SEMA3E: variants seen among roughly 807,000 people sequenced by gnomAD.
SEMA3E encodes semaphorin-3E.
SEMA3E carries 49 observed loss-of-function variants against 93.6 expected under a neutral mutation model. That is an observed-to-expected ratio of 0.52 (90% CI 0.42 to 0.66). The LOEUF (loss-of-function observed/expected upper bound fraction) is 0.66, where lower values mean the gene tolerates loss of function less well. Among genes scored for constraint, SEMA3E ranks in the 30% least tolerant of loss-of-function variants. The probability of loss-of-function intolerance (pLI) is 0.00; values close to 1 mark genes in which losing one functional copy is unlikely to be tolerated. For synonymous variants in SEMA3E, 363 were observed against 330.7 expected, an observed-to-expected ratio of 1.10 and a Z score of -1.06; for missense variants, 906 against 964.8, an observed-to-expected ratio of 0.94 and a Z score of 0.81.
intron 4 of SEMA3E, among the ~76,000 whole-genome samples, chr7:83,450,119 AAGAC>A (rs1352475731): frequency 2.6e-5 from 4 of 152,228 alleles, no homozygotes; most frequent in African/African-American, 4.8e-5. Flanking sequence ...TCCTAAGAAA[AAGAC>A]AGACAATGCT....
At chr7:83,620,472 A>G (rs1439027718) in intron 1 of SEMA3E, among the ~76,000 whole-genome samples, 1 of 152,118 alleles carries the variant, frequency 6.6e-6, no homozygotes, top group Non-Finnish European at 1.5e-5. Flanking sequence ...ATTGAAAAGG[A>G]GGGAATCTTT....
In SEMA3E at chr7:83,372,024, T is replaced by A. The variant is rs577186727; in HGVS notation, c.1876-3986A>T. On this transcript the variant is annotated intron_variant, in intron 16 of 16. Transcript: ENST00000643230. Reference sequence around the variant, plus strand: ...TATAAGTTTTTAAAGGGCAAAGACCTATTTCTTTATTCTTCTGAATTATCC... The same window carrying A: ...TATAAGTTTTTAAAGGGCAAAGACCAATTTCTTTATTCTTCTGAATTATCC... 4.7e-5 allele frequency: 17 copies of A among 365,446 alleles called. No individual in the cohort carries two copies. In the South Asian group the frequency reaches 2.5e-3, roughly 55 times the overall value. 22.6% of individuals were successfully genotyped at this position (365,446 alleles called of 1,614,324 possible).
chr7:83,411,230 T>C (rs1437285888), intron 5 of SEMA3E, among the ~76,000 whole-genome samples: 3 of 152,102 alleles, frequency 2.0e-5, no homozygotes, highest in Admixed American at 6.6e-5. Flanking sequence ...GACAATTCTC[T>C]GCACAAGAGA....
intron 4 of SEMA3E, among the ~76,000 whole-genome samples, chr7:83,426,121 T>C (rs1435580749): frequency 6.6e-6 from 1 of 152,132 alleles, no homozygotes; most frequent in African/African-American, 2.4e-5. Context: ...ACACTGCCAG[T>C]GGGAATTTGT....
At chr7:83,471,728 GTGAA>G (rs1226903120) in intron 2 of SEMA3E, among the ~76,000 whole-genome samples, 1 of 152,072 alleles carries the variant, frequency 6.6e-6, no homozygotes, top group African/African-American at 2.4e-5. Context: ...TCTATTATTA[GTGAA>G]TGAAGTATAC....
intron 1 of SEMA3E, among the ~76,000 whole-genome samples, chr7:83,608,699 T>C (rs906526486): frequency 6.6e-6 from 1 of 152,140 alleles, no homozygotes; most frequent in Non-Finnish European, 1.5e-5. Flanking sequence ...TAAATATTCA[T>C]GGATTGTCTT....
chr7:83,414,824 C>T (rs997656219), intron 5 of SEMA3E, among the ~76,000 whole-genome samples: 1 of 151,876 alleles, frequency 6.6e-6, no homozygotes, highest in Non-Finnish European at 1.5e-5. Context: ...TCTTATCATA[C>T]CTTAGGCATT....
intron 1 of SEMA3E, among the ~76,000 whole-genome samples, chr7:83,519,109 T>A (rs1790992938): frequency 6.6e-6 from 1 of 152,044 alleles, no homozygotes; most frequent in African/African-American, 2.4e-5. Flanking sequence ...CTCCTAAAGC[T>A]ATCCCTCCCC....
In SEMA3E at chr7:83,367,801, C is replaced by T. The variant is rs1396228758; in HGVS notation, c.2113G>A (p.Gly705Arg). The change falls in exon 17 of 17, where the codon GGA becomes AGA. Residue 705 changes from glycine to arginine, a missense_variant. Coordinates refer to ENST00000643230, the MANE Select transcript of SEMA3E (RefSeq NM_012431.3). ...AATTCCTTGTACCATGGTTTTGCTC[C>T]CTGCGAGATGCTACTCTGAGCAGGA... ...PCPAQSSISQGAKPWYKEFLQ... is the reference protein window; with the variant it reads ...PCPAQSSISQRAKPWYKEFLQ... The T allele has an allele frequency of 6.2e-7, 1 of 1,614,080 alleles. No homozygotes were observed. Among genetic ancestry groups the T allele is most frequent in the South Asian group, 1.1e-5 (1 of 91,084 alleles).
At chr7:83,384,323 T>C (rs1584207086) in intron 16 of SEMA3E, among the ~76,000 whole-genome samples, 1 of 152,182 alleles carries the variant, frequency 6.6e-6, no homozygotes, top group East Asian at 1.9e-4. Context: ...AGGTGAAGCC[T>C]TCCATTGATT....
intron 1 of SEMA3E, among the ~76,000 whole-genome samples, chr7:83,632,322 C>G (rs1793802952): frequency 6.6e-6 from 1 of 152,082 alleles, no homozygotes; most frequent in African/African-American, 2.4e-5. Flanking sequence ...GAATATTCAC[C>G]TATGACAAAA....
chr7:83,577,079 T>C (rs1344094555), intron 1 of SEMA3E, among the ~76,000 whole-genome samples: 1 of 152,228 alleles, frequency 6.6e-6, no homozygotes, highest in Admixed American at 6.5e-5. Flanking sequence ...CACTTATATA[T>C]ATTGTCCACC....
At chr7:83,459,907 C>A (rs938404115) in intron 4 of SEMA3E, among the ~76,000 whole-genome samples, 1 of 152,158 alleles carries the variant, frequency 6.6e-6, no homozygotes, top group Non-Finnish European at 1.5e-5. Flanking sequence ...CCCTACTGAG[C>A]ACCTTGCGAC....
At chr7:83,379,191 G>T (rs538941878) in intron 16 of SEMA3E, among the ~76,000 whole-genome samples, 1 of 151,652 alleles carries the variant, frequency 6.6e-6, no homozygotes, top group African/African-American at 2.4e-5. Context: ...AAGCTAAACA[G>T]TGAGTACAAT....
At chr7:83,532,162 C>A (rs1791316954) in intron 1 of SEMA3E, among the ~76,000 whole-genome samples, 1 of 152,118 alleles carries the variant, frequency 6.6e-6, no homozygotes, top group Non-Finnish European at 1.5e-5. Flanking sequence ...TTCTTCATTT[C>A]AACACCTCTT....
chr7:83,435,550 C>T (rs1584247362), intron 4 of SEMA3E, among the ~76,000 whole-genome samples: 1 of 152,156 alleles, frequency 6.6e-6, no homozygotes. Context: ...GAGACGAGAT[C>T]ATGCCACTGC....
At chr7:83,466,695 GT>G in intron 3 of SEMA3E, 94 bp from the exon 4 acceptor site, 1 of 1,479,362 alleles carries the variant, frequency 6.8e-7, no homozygotes. Context: ...GAAAGCTCAT[GT>G]TTTACCGTAA....
intron 2 of SEMA3E, among the ~76,000 whole-genome samples, chr7:83,485,796 C>T (rs1790238519): frequency 6.6e-6 from 1 of 151,900 alleles, no homozygotes; most frequent in Admixed American, 6.6e-5. Flanking sequence ...AGGTAGCTGC[C>T]CCTGCAATGG....
intron 16 of SEMA3E, among the ~76,000 whole-genome samples, chr7:83,378,248 A>G (rs1453959207): frequency 6.6e-6 from 1 of 151,898 alleles, no homozygotes; most frequent in Non-Finnish European, 1.5e-5. Flanking sequence ...TAAATGAATC[A>G]TTTTATTTTC....
Sources: allele counts gnomAD v4.1 joint callset (sites outside exome capture counted in the v4.1 genomes callset), GRCh38; gene constraint gnomAD v4.1.1; transcripts MANE v1.5; gene names NCBI Gene and HGNC (gene_info 2026-07-23, HGNC 2026-07-21).